The following STK33 variants were observed in gnomAD, a reference collection of about 807,000 sequenced individuals.
STK33 encodes serine/threonine kinase 33.
Under a neutral mutation model 58.0 loss-of-function variants are expected in STK33, and 52 were observed. The observed-to-expected ratio is 0.90, with a 90% CI of 0.72 to 1.13. The LOEUF (loss-of-function observed/expected upper bound fraction) is 1.13, where lower values mean the gene tolerates loss of function less well. Among genes scored for constraint, STK33 ranks in the 50% most tolerant of loss-of-function variants. STK33 has a pLI of 0.00. For missense variants in STK33, 630 were observed against 604.2 expected, an observed-to-expected ratio of 1.04 and a Z score of -0.45; for synonymous variants, 215 against 200.1, an observed-to-expected ratio of 1.07 and a Z score of -0.63.
chr11:8,392,448 C>T lies in STK33; in HGVS notation c.*62G>A. ...AGGGCTGTCTTCTTCCCCTCCTACC[C>T]CCTCATCAAAGTGCTAACAAGAGCA... On this transcript the variant is annotated 3_prime_UTR_variant, in exon 16 of 16. Transcript: ENST00000687296. 1 of 1,589,160 alleles carries T rather than the reference C, an allele frequency of 6.3e-7. No individual in the cohort carries two copies. Among genetic ancestry groups the T allele is most frequent in the Non-Finnish European group, 8.6e-7 (1 of 1,160,810 alleles).
chr11:8,470,698 C>T (rs1174289713), intron 6 of STK33, among the ~76,000 whole-genome samples: 1 of 152,002 alleles, frequency 6.6e-6, no homozygotes, highest in Non-Finnish European at 1.5e-5. Context: ...ATTAATTGTC[C>T]TAATTTTAAT....
intron 15 of STK33, among the ~76,000 whole-genome samples, chr11:8,394,148 T>C (rs955818698): frequency 6.6e-6 from 1 of 152,142 alleles, no homozygotes; most frequent in Admixed American, 6.5e-5. Context: ...AGGTAGAAAA[T>C]ATTTAAAATT....
chr11:8,429,957 G>A (rs1251146930), intron 14 of STK33, among the ~76,000 whole-genome samples: 1 of 152,078 alleles, frequency 6.6e-6, no homozygotes, highest in Non-Finnish European at 1.5e-5. Flanking sequence ...TCAGAATCTA[G>A]TCACTATCTC....
chr11:8,421,305 T>G (rs1050559923), intron 14 of STK33, among the ~76,000 whole-genome samples: 1 of 152,186 alleles, frequency 6.6e-6, no homozygotes, highest in Admixed American at 6.5e-5. Context: ...CCTTTGGAGT[T>G]GATTTTTGTC....
intron 15 of STK33, among the ~76,000 whole-genome samples, chr11:8,403,362 T>C (rs1938475187): frequency 1.3e-5 from 2 of 152,214 alleles, no homozygotes; most frequent in African/African-American, 4.8e-5. Context: ...AGAGAATGTT[T>C]ACAGACAGGC....
intron 15 of STK33, among the ~76,000 whole-genome samples, chr11:8,403,727 T>G (rs1938567087): frequency 6.6e-6 from 1 of 152,204 alleles, no homozygotes; most frequent in South Asian, 2.1e-4. Flanking sequence ...CTAGCTTATA[T>G]TATTAATCTT....
chr11:8,371,640 CTTCCT>C, the STK33 span, among the ~76,000 whole-genome samples: 1 of 32,258 alleles, frequency 3.1e-5, no homozygotes, highest in Non-Finnish European at 6.6e-5. Flanking sequence ...TTCCTTCTTT[CTTCCT>C]TTCTTTTCTT....
chr11:8,368,990 T>A, the STK33 span, among the ~76,000 whole-genome samples: 1 of 152,052 alleles, frequency 6.6e-6, no homozygotes, highest in Non-Finnish European at 1.5e-5. Context: ...CGTCCATCTG[T>A]ATGGAATGCC....
At chr11:8,535,350 G>A (rs1442621708) in intron 1 of STK33, among the ~76,000 whole-genome samples, 2 of 152,072 alleles carry the variant, frequency 1.3e-5, no homozygotes, top group South Asian at 2.1e-4. Context: ...TTCAACAGGG[G>A]ACTAATATCC....
chr11:8,456,569 T>G (rs1352366679), intron 9 of STK33, among the ~76,000 whole-genome samples: 1 of 152,148 alleles, frequency 6.6e-6, no homozygotes, highest in East Asian at 1.9e-4. Context: ...CCAAACCATG[T>G]CACTGCACCT....
intron 15 of STK33, among the ~76,000 whole-genome samples, chr11:8,403,032 G>A (rs1938401922): frequency 6.6e-6 from 1 of 152,172 alleles, no homozygotes; most frequent in Non-Finnish European, 1.5e-5. Context: ...AATAGAAGGT[G>A]ATGAGCTCCC....
Position 8,440,756 on chromosome 11 carries a change from G to A in STK33, c.872-3C>T. The A allele has an allele frequency of 6.4e-7, 1 of 1,559,280 alleles. No individual in the cohort carries two copies. Among genetic ancestry groups the A allele is most frequent in the Non-Finnish European group, 8.7e-7 (1 of 1,149,958 alleles). On this transcript the variant is annotated splice_polypyrimidine_tract_variant and splice_region_variant and intron_variant, in intron 11 of 15. Transcript: ENST00000687296. Reference sequence around the variant, plus strand: ...GTGGGCACTGATAACTTCAGGGGCTGCCAAACAAGCAGATATAAAATAACA... The same window carrying A: ...GTGGGCACTGATAACTTCAGGGGCTACCAAACAAGCAGATATAAAATAACA...
chr11:8,471,410 G>C (rs558840446), intron 6 of STK33, among the ~76,000 whole-genome samples: 3 of 152,256 alleles, frequency 2.0e-5, no homozygotes, highest in African/African-American at 7.2e-5. Flanking sequence ...TGATAATGTA[G>C]ATCTATTTTT....
chr11:8,525,917 G>A (rs1023726270), intron 1 of STK33, among the ~76,000 whole-genome samples: 1 of 152,134 alleles, frequency 6.6e-6, no homozygotes, highest in Admixed American at 6.5e-5. Context: ...CTTCACAAAA[G>A]AGGATACCCA....
At chr11:8,502,884 A>T (rs951446732) in intron 1 of STK33, among the ~76,000 whole-genome samples, 1 of 152,252 alleles carries the variant, frequency 6.6e-6, no homozygotes, top group African/African-American at 2.4e-5. Context: ...AATACTCAAC[A>T]TCACTAATCA....
At chr11:8,529,266 A>C (rs1954316924) in intron 1 of STK33, among the ~76,000 whole-genome samples, 1 of 152,212 alleles carries the variant, frequency 6.6e-6, no homozygotes, top group African/African-American at 2.4e-5. Context: ...TCCTAACTCC[A>C]AACTAACTCT....
At chr11:8,458,190 T>C (rs896539453) in intron 8 of STK33, among the ~76,000 whole-genome samples, 2 of 152,190 alleles carry the variant, frequency 1.3e-5, no homozygotes, top group Non-Finnish European at 2.9e-5. Context: ...ACCTTTGCTA[T>C]AGAGATCAGA....
intron 14 of STK33, among the ~76,000 whole-genome samples, chr11:8,421,810 G>A (rs1941965478): frequency 6.6e-6 from 1 of 151,978 alleles, no homozygotes; most frequent in African/African-American, 2.4e-5. Flanking sequence ...ATTACTAGAT[G>A]TTTTATATTC....
intron 1 of STK33, among the ~76,000 whole-genome samples, chr11:8,482,941 C>T (rs1949933235): frequency 6.6e-6 from 1 of 151,824 alleles, no homozygotes; most frequent in African/African-American, 2.4e-5. Context: ...CCATGTTAGC[C>T]AGGATGGTTT....
Sources: allele counts gnomAD v4.1 joint callset (sites outside exome capture counted in the v4.1 genomes callset), GRCh38; gene constraint gnomAD v4.1.1; transcripts MANE v1.5; gene names NCBI Gene and HGNC (gene_info 2026-07-23, HGNC 2026-07-21).